PARP4: variants seen among roughly 807,000 people sequenced by gnomAD.
PARP4 encodes the protein protein mono-ADP-ribosyltransferase PARP4.
In PARP4, 120 loss-of-function variants were observed where a neutral mutation model predicts 187.7. That is an observed-to-expected ratio of 0.64 (90% CI 0.55 to 0.74). PARP4 has a LOEUF of 0.74. PARP4 is among the 30% of genes least tolerant of loss of function. The probability of loss-of-function intolerance (pLI) is 0.00; values close to 1 mark genes in which losing one functional copy is unlikely to be tolerated. For synonymous variants in PARP4, 654 were observed against 740.9 expected (o/e 0.88, Z 1.90); for missense variants, 1,836 against 2,070.5 (o/e 0.89, Z 2.20).
intron 10 of PARP4, among the ~76,000 whole-genome samples, chr13:24,489,326 A>G (rs1251442190): frequency 6.6e-6 from 1 of 152,044 alleles, no homozygotes; most frequent in African/African-American, 2.4e-5. Flanking sequence ...AAGAAATCAT[A>G]TGGCTGGGCG....
intron 1 of PARP4, among the ~76,000 whole-genome samples, chr13:24,505,166 GAA>G (rs923234102): frequency 3.9e-5 from 6 of 152,090 alleles, no homozygotes; most frequent in African/African-American, 1.4e-4. Context: ...AGAGGAGAAA[GAA>G]AGAGAGAGGA....
chr13:24,454,916 C>T (rs1871737209), intron 22 of PARP4, 101 bp downstream of exon 22: 1 of 925,474 alleles, frequency 1.1e-6, no homozygotes, highest in East Asian at 2.6e-5. Flanking sequence ...GGCTGCCCCT[C>T]ACCACACAGG....
At chr13:24,462,161 C>A (rs73154308) in intron 17 of PARP4, among the ~76,000 whole-genome samples, 1 of 152,142 alleles carries the variant, frequency 6.6e-6, no homozygotes, top group African/African-American at 2.4e-5. Context: ...GAGCCTAGTA[C>A]AGCACATCAA....
At chr13:24,479,240 C>G (rs1216276866) in intron 12 of PARP4, among the ~76,000 whole-genome samples, 3 of 152,106 alleles carry the variant, frequency 2.0e-5, no homozygotes, top group African/African-American at 7.3e-5. Flanking sequence ...CCAGACGACC[C>G]TTCTTTGTTT....
At chr13:24,441,750 T>C in intron 30 of PARP4, 96 bp downstream of exon 30, 2 of 1,096,282 alleles carry the variant, frequency 1.8e-6, no homozygotes, top group Non-Finnish European at 2.6e-6. Flanking sequence ...CTTCTTCATG[T>C]ACAGGTAAGA....
chr13:24,491,240 C>A (rs1264544882), intron 9 of PARP4, among the ~76,000 whole-genome samples: 1 of 152,058 alleles, frequency 6.6e-6, no homozygotes, highest in Non-Finnish European at 1.5e-5. Context: ...CCTGCCTCAG[C>A]CTCCTAAGTA....
intron 12 of PARP4, 36 bp downstream of exon 12, chr13:24,484,617 T>C (rs746331486): frequency 1.5e-6 from 2 of 1,337,108 alleles, no homozygotes; most frequent in African/African-American, 1.4e-5. Context: ...ACAGCAAGTA[T>C]TCAGTAACGA....
At chr13:24,463,127 T>C (rs764609701) in intron 17 of PARP4, among the ~76,000 whole-genome samples, 4 of 152,004 alleles carry the variant, frequency 2.6e-5, no homozygotes, top group Non-Finnish European at 5.9e-5. Flanking sequence ...ATCTTGAAGA[T>C]AGCTTGACAA....
chr13:24,506,384 A>T (rs1869679264), intron 1 of PARP4, among the ~76,000 whole-genome samples: 1 of 152,134 alleles, frequency 6.6e-6, no homozygotes, highest in Non-Finnish European at 1.5e-5. Context: ...CAAAGCTTCC[A>T]CAGCGTGGAA....
At chr13:24,504,786 T>C (rs901640554) in intron 1 of PARP4, among the ~76,000 whole-genome samples, 2 of 151,770 alleles carry the variant, frequency 1.3e-5, no homozygotes, top group Admixed American at 6.6e-5. Context: ...CTCCACCTCC[T>C]GGATTCAATT....
chr13:24,455,269 G>T (rs990261336), intron 21 of PARP4, 57 bp from the exon 22 acceptor site: 6 of 1,345,238 alleles, frequency 4.5e-6, no homozygotes, highest in South Asian at 1.5e-5. Flanking sequence ...ACTGCAAAAG[G>T]TCTACTTAGA....
At position 24,459,330 on chromosome 13, in the gene PARP4, T is replaced by C; in HGVS notation, c.2299-20A>G. 2.0e-6 allele frequency: 3 copies of C among 1,520,656 alleles called. No homozygotes were observed. Among genetic ancestry groups the C allele is most frequent in the Non-Finnish European group, 2.7e-6 (3 of 1,118,116 alleles). The allele number at this position is 1,520,656 out of a possible 1,614,324, so 94.2% of individuals were successfully genotyped here. A position where few individuals can be genotyped will look rare whatever the true frequency, so the allele number is the denominator to read the frequency against. ...TGTATCCTGTTAAAAGAAAAATACATTTGTATAACTAAGCATATATTAAGT... is the reference window on the plus strand; with the variant it reads ...TGTATCCTGTTAAAAGAAAAATACACTTGTATAACTAAGCATATATTAAGT... On this transcript the variant is annotated intron_variant, in intron 18 of 33. Transcript: ENST00000381989.
At chr13:24,508,652 T>A (rs1218624028) in intron 1 of PARP4, among the ~76,000 whole-genome samples, 1 of 152,132 alleles carries the variant, frequency 6.6e-6, no homozygotes, top group African/African-American at 2.4e-5. Context: ...TAGCTGGGAT[T>A]ATAGGTGCCT....
chr13:24,438,107 C>T (rs774449340), intron 30 of PARP4, among the ~76,000 whole-genome samples: 10 of 152,134 alleles, frequency 6.6e-5, no homozygotes, highest in Non-Finnish European at 1.3e-4. Context: ...TTCCTCTTTC[C>T]CTTCAAGTTC....
At chr13:24,466,007 C>T (rs4770688) in intron 17 of PARP4, among the ~76,000 whole-genome samples, 76,756 of 151,344 alleles carry the variant, frequency 0.51, 19,703 homozygotes, top group South Asian at 0.64. Flanking sequence ...TAAAGCAGTG[C>T]TGACCAATGT....
chr13:24,439,241 C>T (rs1352442311), intron 30 of PARP4, among the ~76,000 whole-genome samples: 1 of 151,640 alleles, frequency 6.6e-6, no homozygotes, highest in Admixed American at 6.6e-5. Context: ...GTAGGAGGAT[C>T]TCTAGAGCCC....
At chr13:24,448,865 C>T in intron 25 of PARP4, among the ~76,000 whole-genome samples, 1 of 152,146 alleles carries the variant, frequency 6.6e-6, no homozygotes, top group Non-Finnish European at 1.5e-5. Context: ...ATAAGCCAGA[C>T]ATAAAGGGAC....
At chr13:24,470,752 T>TTA (rs1555236384) in intron 15 of PARP4, among the ~76,000 whole-genome samples, 1 of 151,070 alleles carries the variant, frequency 6.6e-6, no homozygotes, top group Non-Finnish European at 1.5e-5. Flanking sequence ...AATGAAAAAT[T>TTA]AAAAAAAAAA....
chr13:24,499,228 G>C (rs943540854), intron 5 of PARP4, 73 bp downstream of exon 5: 1 of 1,434,220 alleles, frequency 7.0e-7, no homozygotes, highest in Non-Finnish European at 9.2e-7. Flanking sequence ...TGACCGAATA[G>C]GAAAAACACC....
Sources: gnomAD v4.1 joint callset for allele counts (sites outside exome capture counted in the v4.1 genomes callset) on GRCh38, gnomAD v4.1.1 for gene constraint, MANE v1.5 for transcripts, NCBI Gene and HGNC (gene_info 2026-07-23, HGNC 2026-07-21) for gene names.